The following STK25 variants were observed in gnomAD, a reference collection of about 807,000 sequenced individuals.
STK25 encodes the protein serine/threonine-protein kinase 25.
STK25 carries 29 observed loss-of-function variants against 53.8 expected under a neutral mutation model. That is an observed-to-expected ratio of 0.54 (90% CI 0.40 to 0.74). The LOEUF is 0.74. Ranked by LOEUF, STK25 falls within the 30% of genes least tolerant of loss-of-function variation. The probability of loss-of-function intolerance (pLI) is 0.00; values close to 1 mark genes in which losing one functional copy is unlikely to be tolerated. For missense variants in STK25, 420 were observed against 568.0 expected (o/e 0.74, Z 2.65); for synonymous variants, 247 against 238.3 (o/e 1.04, Z -0.33).
chr2:241,493,452 T>C lies in STK25; in HGVS notation c.*2210A>G. The stretch of plus-strand genomic sequence containing the variant: ...CAAGTACACATTTGAAAGGTAATTT[T>C]GCAGGAGGCAGCCCTGGTCAGCTGC... On this transcript the variant is annotated 3_prime_UTR_variant, in exon 12 of 12. Transcript: ENST00000316586. 6.2e-7 allele frequency: 1 copy of C among 1,613,534 alleles called. No homozygotes were observed. The highest frequency in any genetic ancestry group is 1.3e-5 in the African/African-American group (1 of 75,034).
rs1490096049 is a variant in STK25 at position 241,496,602 on chromosome 2, T to TC, written c.1105-69dup. The TC allele has an allele frequency of 6.4e-7, 1 of 1,553,938 alleles. No homozygotes were observed. Among genetic ancestry groups the TC allele is most frequent in the Non-Finnish European group, 8.8e-7 (1 of 1,142,728 alleles). ...GCCTTCAGGGAGCCTGCTCCTTTGC[T>TC]CGGCCACAGTGATGCCGGAGGCCTT... On this transcript the variant is annotated intron_variant, in intron 10 of 11. Transcript: ENST00000316586. This position sits in a 1 kb window ranked among gnomAD's most constrained non-coding sequence, Gnocchi z 5.8.
chr2:241,505,593 G>T (rs2065776266), intron 2 of STK25, among the ~76,000 whole-genome samples: 1 of 152,184 alleles, frequency 6.6e-6, no homozygotes, highest in South Asian at 2.1e-4. Flanking sequence ...ACAGGGCCTG[G>T]AGCTGAATCT....
At position 241,499,026 on chromosome 2, in the gene STK25, T is replaced by A; in HGVS notation, c.734A>T (p.Glu245Val). 3 of 1,613,990 alleles carry A rather than the reference T, an allele frequency of 1.9e-6. No individual in the cohort carries two copies. The highest frequency in any genetic ancestry group is 1.7e-6 in the Non-Finnish European group (2 of 1,179,986). ...LEGQHSKPFKEFVEACLNKDP... is the reference protein window; with the variant it reads ...LEGQHSKPFKVFVEACLNKDP... ...TTTGTTGAGGCAGGCCTCCACGAAC[T>A]CCTTGAAGGGCTTGCTGTGCTGGCC... Residue 245 changes from glutamate to valine, a missense_variant, in exon 7 of 12, where the codon GAG becomes GTG. Coordinates refer to ENST00000316586, the MANE Select transcript of STK25 (RefSeq NM_001271977.2).
chr2:241,497,742 C>G (rs965896445), intron 9 of STK25, 55 bp from the exon 10 acceptor site: 2 of 1,521,892 alleles, frequency 1.3e-6, no homozygotes, highest in Non-Finnish European at 1.8e-6. Context: ...ACAGGCAGGG[C>G]ACTCCCATCC....
In STK25 at chr2:241,494,044, C is replaced by T. The variant is rs770157076; in HGVS notation, c.*1618G>A. 6.4e-6 allele frequency: 9 copies of T among 1,414,886 alleles called. No individual in the cohort carries two copies. The highest frequency in any genetic ancestry group is 2.8e-5 in the East Asian group (1 of 36,306). The allele number at this position is 1,414,886 out of a possible 1,614,324, so 87.6% of individuals were successfully genotyped here. A position where few individuals can be genotyped will look rare whatever the true frequency, so the allele number is the denominator to read the frequency against. ...TGATCCAGGGGGCCAGCAGCTCAGC[C>T]GGGAGGGCCCCAAGCATCGTGCAGG... On this transcript the variant is annotated 3_prime_UTR_variant, in exon 12 of 12. Coordinates refer to ENST00000316586, the MANE Select transcript of STK25 (RefSeq NM_001271977.2). This position sits in a 1 kb window ranked among gnomAD's most constrained non-coding sequence, Gnocchi z 4.9.
At chr2:241,503,509 A>G (rs1294595947) in intron 2 of STK25, among the ~76,000 whole-genome samples, 1 of 151,202 alleles carries the variant, frequency 6.6e-6, no homozygotes, top group African/African-American at 2.4e-5. Context: ...TCAGGAGATC[A>G]AGACCACCCT....
intron 2 of STK25, among the ~76,000 whole-genome samples, chr2:241,503,696 C>CA (rs60021706): frequency 0.013 from 1,316 of 99,654 alleles, 41 homozygotes; most frequent in East Asian, 0.13. Context: ...GACTCCGTCT[C>CA]AAAAAAAAAA....
Position 241,494,346 on chromosome 2 carries a change from A to C in STK25, c.*1316T>G. The C allele has an allele frequency of 2.8e-6, 1 of 355,712 alleles. No individual in the cohort carries two copies. The highest frequency in any genetic ancestry group is 4.8e-5 in the Admixed American group (1 of 20,978). 22.0% of individuals were successfully genotyped at this position (355,712 alleles called of 1,614,324 possible). On this transcript the variant is annotated 3_prime_UTR_variant, in exon 12 of 12. Transcript: ENST00000316586. The surrounding 1 kb of genome is among the most constrained non-coding windows in gnomAD (Gnocchi z 4.9). ...GCAGCTATCTGGGGCCCTGGGAAAAATGTGCGAGTCTTGAGCGCGGAGCCG... is the reference window on the plus strand; with the variant it reads ...GCAGCTATCTGGGGCCCTGGGAAAACTGTGCGAGTCTTGAGCGCGGAGCCG...
In STK25 at chr2:241,494,167, C is replaced by T. The variant is rs759312568; in HGVS notation, c.*1495G>A. On this transcript the variant is annotated 3_prime_UTR_variant, in exon 12 of 12. Transcript: ENST00000316586. This position sits in a 1 kb window ranked among gnomAD's most constrained non-coding sequence, Gnocchi z 4.9. The stretch of plus-strand genomic sequence containing the variant: ...GTTTGGACACAACTACAAAGAACAG[C>T]AGGACACAGAGGTGACCTCTGTCCT... 1.5e-5 allele frequency: 19 copies of T among 1,279,492 alleles called. No individual in the cohort carries two copies. Among genetic ancestry groups the T allele is most frequent in the Non-Finnish European group, 1.8e-5 (17 of 944,420 alleles). The allele number at this position is 1,279,492 out of a possible 1,614,324, so 79.3% of individuals were successfully genotyped here.
At position 241,493,416 on chromosome 2, in the gene STK25, C is replaced by A. The variant is rs182405145; in HGVS notation, c.*2246G>T. 1 of 1,613,918 alleles carries A rather than the reference C, an allele frequency of 6.2e-7. No homozygotes were observed. Among genetic ancestry groups the A allele is most frequent in the Admixed American group, 1.7e-5 (1 of 60,016 alleles). On this transcript the variant is annotated 3_prime_UTR_variant, in exon 12 of 12. Transcript: ENST00000316586. ...GTTCAAATCCCACGTCTACTTCTTC[C>A]GGGCTGAGAGCAAGTACACATTTGA...
chr2:241,497,609 T>C lies in STK25; in HGVS notation c.1104+7A>G, dbSNP rs762212172. On this transcript the variant is annotated splice_region_variant and intron_variant, in intron 10 of 11. Coordinates refer to ENST00000316586, the MANE Select transcript of STK25 (RefSeq NM_001271977.2). ...GACTCCAGGCCCAGTCCCAGCCCCA[T>C]CCTCACCTCTCCGAAGACGGGCCGG... 1.2e-6 allele frequency: 2 copies of C among 1,613,190 alleles called. No individual in the cohort carries two copies. Among genetic ancestry groups the C allele is most frequent in the South Asian group, 2.2e-5 (2 of 91,072 alleles).
Position 241,493,148 on chromosome 2 carries a change from C to G in STK25, c.*2514G>C, listed in dbSNP as rs2064991616. The G allele has an allele frequency of 1.7e-6, 2 of 1,166,606 alleles. No homozygotes were observed. The highest frequency in any genetic ancestry group is 2.5e-6 in the Non-Finnish European group (2 of 787,326). 72.3% of individuals were successfully genotyped at this position (1,166,606 alleles called of 1,614,324 possible). ...GTTCTGCCCTCCCATGCTTTGCCCA[C>G]ACACCCTGTGCTGTGTGAACAGGGA... On this transcript the variant is annotated 3_prime_UTR_variant, in exon 12 of 12. Transcript: ENST00000316586.
Position 241,496,674 on chromosome 2 carries a change from G to A in STK25, c.1105-140C>T, listed in dbSNP as rs529891236. The A allele has an allele frequency of 7.0e-5, 66 of 941,708 alleles. No individual in the cohort carries two copies. The highest frequency in any genetic ancestry group is 6.2e-4 in the South Asian group (35 of 56,268). 58.3% of individuals were successfully genotyped at this position (941,708 alleles called of 1,614,324 possible). ...ACACCCGGGAGCCCTTCAGCAAGCC[G>A]GGAAGTGAGGTGGCCCAAGGAAGCC... is the stretch of plus-strand genomic sequence containing the variant. On this transcript the variant is annotated intron_variant, in intron 10 of 11. Coordinates refer to ENST00000316586, the MANE Select transcript of STK25 (RefSeq NM_001271977.2). The surrounding 1 kb of genome is among the most constrained non-coding windows in gnomAD (Gnocchi z 5.8).
rs1574951102 is a variant in STK25, at chr2:241,501,314, G to A, written c.261+164C>T. 7.1e-6 allele frequency: 5 copies of A among 706,230 alleles called. No individual in the cohort carries two copies. Among genetic ancestry groups the A allele is most frequent in the Admixed American group, 6.4e-5 (3 of 47,244 alleles). The allele number at this position is 706,230 out of a possible 1,614,324, so 43.7% of individuals were successfully genotyped here. A position where few individuals can be genotyped will look rare whatever the true frequency, so the allele number is the denominator to read the frequency against. On this transcript the variant is annotated intron_variant, in intron 3 of 11. Coordinates refer to ENST00000316586, the MANE Select transcript of STK25 (RefSeq NM_001271977.2). This position sits in a 1 kb window ranked among gnomAD's most constrained non-coding sequence, Gnocchi z 5.3. Reference sequence around the variant, plus strand: ...GGCCATTTAGAGCCAACTGACCCTCGTGGACGAGGGCTCACACCCTGCCTG... The same window carrying A: ...GGCCATTTAGAGCCAACTGACCCTCATGGACGAGGGCTCACACCCTGCCTG...
intron 2 of STK25, among the ~76,000 whole-genome samples, chr2:241,505,165 T>C (rs559693260): frequency 6.6e-6 from 1 of 151,236 alleles, no homozygotes; most frequent in South Asian, 2.1e-4. Context: ...CCTCAGGTGA[T>C]CTGCAGAAGC....
chr2:241,493,922 C>G lies in STK25; in HGVS notation c.*1740G>C. ...CCAGGTTTTTAACCCTTCTTTTGTC[C>G]TGCTTGTCCCATATCCTGGGTTGTT... On this transcript the variant is annotated 3_prime_UTR_variant, in exon 12 of 12. Coordinates refer to ENST00000316586, the MANE Select transcript of STK25 (RefSeq NM_001271977.2). 1.2e-6 allele frequency: 1 copy of G among 856,812 alleles called. No homozygotes were observed. The highest frequency in any genetic ancestry group is 2.9e-5 in the East Asian group (1 of 34,574). 53.1% of individuals were successfully genotyped at this position (856,812 alleles called of 1,614,324 possible). A position where few individuals can be genotyped will look rare whatever the true frequency, so the allele number is the denominator to read the frequency against.
In STK25 at chr2:241,501,344, G is replaced by C. The variant is rs1056052600; in HGVS notation, c.261+134C>G. 9.1e-6 allele frequency: 8 copies of C among 878,484 alleles called. No individual in the cohort carries two copies. The highest frequency in any genetic ancestry group is 8.3e-5 in the African/African-American group (5 of 60,470). The allele number at this position is 878,484 out of a possible 1,614,324, so 54.4% of individuals were successfully genotyped here. A position where few individuals can be genotyped will look rare whatever the true frequency, so the allele number is the denominator to read the frequency against. Reference sequence around the variant, plus strand: ...CGAGGGCTCACACCCTGCCTGCCCAGGGCAGTTTCCCGGAGGGCATGCACT... The same window carrying C: ...CGAGGGCTCACACCCTGCCTGCCCACGGCAGTTTCCCGGAGGGCATGCACT... On this transcript the variant is annotated intron_variant, in intron 3 of 11. Coordinates refer to ENST00000316586, the MANE Select transcript of STK25 (RefSeq NM_001271977.2). This position sits in a 1 kb window ranked among gnomAD's most constrained non-coding sequence, Gnocchi z 5.3.
intron 2 of STK25, among the ~76,000 whole-genome samples, chr2:241,507,455 CAG>C (rs1388212321): frequency 6.6e-6 from 1 of 152,244 alleles, no homozygotes; most frequent in Non-Finnish European, 1.5e-5. Context: ...ACGGTCCTGA[CAG>C]AGCAGCCTTT....
At position 241,494,186 on chromosome 2, in the gene STK25, C is replaced by CTG; in HGVS notation, c.*1474_*1475dup. On this transcript the variant is annotated 3_prime_UTR_variant, in exon 12 of 12. Coordinates refer to ENST00000316586, the MANE Select transcript of STK25 (RefSeq NM_001271977.2). The surrounding 1 kb of genome is among the most constrained non-coding windows in gnomAD (Gnocchi z 4.9). The stretch of plus-strand genomic sequence containing the variant: ...GAACAGCAGGACACAGAGGTGACCT[C>CTG]TGTCCTGAGGCTTCTCAACAGATGG... 4.7e-6 allele frequency: 5 copies of CTG among 1,061,084 alleles called. No individual in the cohort carries two copies. Among genetic ancestry groups the CTG allele is most frequent in the Non-Finnish European group, 6.6e-6 (5 of 756,682 alleles). 65.7% of individuals were successfully genotyped at this position (1,061,084 alleles called of 1,614,324 possible).
Sources: gnomAD v4.1 joint callset for allele counts (sites outside exome capture counted in the v4.1 genomes callset) on GRCh38, gnomAD v4.1.1 for gene constraint, Gnocchi (gnomAD v3.1) non-coding constraint, MANE v1.5 for transcripts, NCBI Gene and HGNC (gene_info 2026-07-23, HGNC 2026-07-21) for gene names.